Variants in CACNA2D4 observed in about 807,000 individuals in gnomAD.
CACNA2D4 encodes the protein calcium voltage-gated channel auxiliary subunit alpha2delta 4.
In CACNA2D4, 157 loss-of-function variants were observed where a neutral mutation model predicts 163.8. The observed-to-expected ratio is 0.96, with a 90% CI of 0.84 to 1.09. CACNA2D4 has a LOEUF of 1.09. Ranked by LOEUF, CACNA2D4 falls within the 50% of genes least tolerant of loss-of-function variation. The pLI, the probability that CACNA2D4 is intolerant of heterozygous loss-of-function variation, is 0.00. For missense variants in CACNA2D4, 1,410 were observed against 1,479.9 expected (o/e 0.95, Z 0.78); for synonymous variants, 598 against 586.9 (o/e 1.02, Z -0.27).
chr12:1,816,878 A>G (rs572869725), intron 26 of CACNA2D4, among the ~76,000 whole-genome samples: 1 of 152,360 alleles, frequency 6.6e-6, no homozygotes, highest in South Asian at 2.1e-4. Flanking sequence ...ACACTTGCAC[A>G]CACATGCATA....
chr12:1,831,010 G>A (rs147954879), intron 26 of CACNA2D4: 42 of 1,613,898 alleles, frequency 2.6e-5, no homozygotes, highest in East Asian at 1.6e-4. Flanking sequence ...TGTGACAGCC[G>A]CAGCCTGGAG....
intron 23 of CACNA2D4, among the ~76,000 whole-genome samples, chr12:1,847,754 G>C (rs1203310373): frequency 1.3e-5 from 2 of 152,096 alleles, no homozygotes; most frequent in Non-Finnish European, 2.9e-5. Context: ...ACCCGGGGCT[G>C]GTCTCAATTC....
At chr12:1,911,877 C>A (rs920782368) in intron 3 of CACNA2D4, among the ~76,000 whole-genome samples, 2 of 152,198 alleles carry the variant, frequency 1.3e-5, no homozygotes, top group Admixed American at 6.5e-5. Context: ...GGTGTTACTG[C>A]GGGTGCCAGG....
chr12:1,865,770 C>T (rs982288613), intron 18 of CACNA2D4, among the ~76,000 whole-genome samples: 6 of 152,308 alleles, frequency 3.9e-5, no homozygotes, highest in Admixed American at 3.9e-4. Flanking sequence ...GGTTGCGGGG[C>T]GCTGGCCTGA....
chr12:1,809,955 G>A (rs1863651891), intron 29 of CACNA2D4, among the ~76,000 whole-genome samples: 1 of 152,210 alleles, frequency 6.6e-6, no homozygotes, highest in Admixed American at 6.5e-5. Context: ...AGTGAGGCTG[G>A]GCCAGTGTGG....
intron 2 of CACNA2D4, 31 bp downstream of exon 2, chr12:1,914,823 C>G: frequency 1.9e-6 from 3 of 1,539,002 alleles, no homozygotes; most frequent in Non-Finnish European, 1.8e-6. Context: ...CCTCTGCCAC[C>G]CGGTGGGCTC....
intron 26 of CACNA2D4, among the ~76,000 whole-genome samples, chr12:1,826,478 C>T (rs1864331990): frequency 1.5e-5 from 2 of 130,338 alleles, no homozygotes; most frequent in South Asian, 5.2e-4. Context: ...AGAACCATGA[C>T]AGCACCACGC....
At chr12:1,845,856 G>C (rs1048239018) in intron 24 of CACNA2D4, among the ~76,000 whole-genome samples, 1 of 152,310 alleles carries the variant, frequency 6.6e-6, no homozygotes. Flanking sequence ...GTTTAGCAGC[G>C]TCCTGGCCTC....
Position 1,914,911 on chromosome 12 carries a change from G to T in CACNA2D4, c.252C>A (p.Phe84Leu). The change falls in exon 2 of 38, where the codon TTC (phenylalanine) becomes TTA (leucine). Residue 84 changes from phenylalanine (F) to leucine (L), a missense_variant. Physicochemically the swap from Phe to Leu is conservative, Grantham distance 22 (BLOSUM62 0). Transcript: ENST00000382722. The stretch of plus-strand genomic sequence containing the variant: ...TCACAGTGTTATACAGGTCCCCGCC[G>T]AAGGTGTCAGCCCATAGCTTCACTC... ...LETVKLWADTFGGDLYNTVTK... is the reference protein window; with the variant it reads ...LETVKLWADTLGGDLYNTVTK... The T allele has an allele frequency of 1.2e-6, 2 of 1,613,640 alleles. No individual in the cohort carries two copies. The highest frequency in any genetic ancestry group is 1.7e-6 in the Non-Finnish European group (2 of 1,179,600).
chr12:1,816,356 T>C lies in CACNA2D4; in HGVS notation c.2552-4633A>G, dbSNP rs561580151. ...AAGCTTCCCTCATGCCTGTGCATGG[T>C]GGGCCCCTGTTTTAGACCCTGACCT... On this transcript the variant is annotated intron_variant, in intron 26 of 37. Coordinates refer to ENST00000382722, the MANE Select transcript of CACNA2D4 (RefSeq NM_172364.5). 1.2e-4 allele frequency among the ~76,000 whole-genome samples: 18 copies of C among 152,314 alleles called. No individual in the cohort carries two copies. In the South Asian group the frequency reaches 3.1e-3, roughly 26 times the overall value.
chr12:1,861,914 A>C (rs1865533625), intron 18 of CACNA2D4, among the ~76,000 whole-genome samples: 1 of 152,184 alleles, frequency 6.6e-6, no homozygotes, highest in African/African-American at 2.4e-5. Context: ...ACTCCTTCAC[A>C]GGCAAACTCT....
intron 18 of CACNA2D4, among the ~76,000 whole-genome samples, chr12:1,863,807 A>G (rs1438079833): frequency 6.6e-6 from 1 of 152,166 alleles, no homozygotes; most frequent in Non-Finnish European, 1.5e-5. Context: ...GCCACAGCAG[A>G]CACATCAGTA....
In CACNA2D4 at chr12:1,828,729, G is replaced by A. The variant is rs1015447364; in HGVS notation, c.2551+12010C>T. Among the ~76,000 whole-genome samples, 1 of 152,212 alleles carries A rather than the reference G, an allele frequency of 6.6e-6. No homozygotes were observed. The highest frequency in any genetic ancestry group is 2.4e-5 in the African/African-American group (1 of 41,458). On this transcript the variant is annotated intron_variant, in intron 26 of 37. Coordinates refer to ENST00000382722, the MANE Select transcript of CACNA2D4 (RefSeq NM_172364.5). This position sits in a 1 kb window ranked among gnomAD's most constrained non-coding sequence, Gnocchi z 4.2. ...CAACTCTCGGTAGAGGACCTAGTGG[G>A]CTCGTGGGATGCGGCGCTGGAAGAG...
chr12:1,826,400 GC>G (rs150016230), intron 26 of CACNA2D4, among the ~76,000 whole-genome samples: 585 of 56,982 alleles, frequency 0.01, 1 homozygote, highest in Non-Finnish European at 0.013. Flanking sequence ...TGAACCCAGA[GC>G]CCCCCCCCCC....
intron 6 of CACNA2D4, among the ~76,000 whole-genome samples, chr12:1,892,719 G>C (rs1472052750): frequency 6.6e-6 from 1 of 151,810 alleles, no homozygotes; most frequent in Non-Finnish European, 1.5e-5. Context: ...AAAAAAAAAG[G>C]GACCAACTAT....
intron 29 of CACNA2D4, 92 bp downstream of exon 29, chr12:1,810,186 G>T: frequency 9.4e-7 from 1 of 1,063,978 alleles, no homozygotes; most frequent in Non-Finnish European, 1.4e-6. Context: ...CCCTCCTGGG[G>T]CCGTGGGGCT....
rs762021158 is a variant in CACNA2D4, at chr12:1,806,958, G to A, written c.2721+3320C>T. Among the ~76,000 whole-genome samples, 1 of 152,094 alleles carries A rather than the reference G, an allele frequency of 6.6e-6. No homozygotes were observed. Among genetic ancestry groups the A allele is most frequent in the Admixed American group, 6.5e-5 (1 of 15,268 alleles). On this transcript the variant is annotated intron_variant, in intron 29 of 37. Transcript: ENST00000382722. The surrounding 1 kb of genome is among the most constrained non-coding windows in gnomAD (Gnocchi z 4.1). The stretch of plus-strand genomic sequence containing the variant: ...TGGGGAAGAGGGGCAGGTTTGGGTC[G>A]GTTGGTGGGAGTTGGTGGTGGGCAG...
chr12:1,862,139 T>C (rs1343453162), intron 18 of CACNA2D4, among the ~76,000 whole-genome samples: 7 of 152,240 alleles, frequency 4.6e-5, no homozygotes, highest in African/African-American at 1.4e-4. Flanking sequence ...ATGGATATTT[T>C]GGTATATTTC....
chr12:1,847,376 T>C (rs1278768397), intron 23 of CACNA2D4, among the ~76,000 whole-genome samples: 1 of 152,174 alleles, frequency 6.6e-6, no homozygotes, highest in Non-Finnish European at 1.5e-5. Context: ...GGGTGTGTGC[T>C]ATAGTGAGCA....
Sources: gnomAD v4.1 joint callset for allele counts (sites outside exome capture counted in the v4.1 genomes callset) on GRCh38, gnomAD v4.1.1 for gene constraint, Gnocchi (gnomAD v3.1) non-coding constraint, MANE v1.5 for transcripts, NCBI Gene and HGNC (gene_info 2026-07-23, HGNC 2026-07-21) for gene names.